The following WDR70 variants were observed in gnomAD, a reference collection of about 807,000 sequenced individuals.
WDR70 encodes WD repeat-containing protein 70.
WDR70 carries 53 observed loss-of-function variants against 88.6 expected under a neutral mutation model. The ratio of observed to expected loss-of-function variants is 0.60; its 90% CI spans 0.48 to 0.75. WDR70 has a LOEUF of 0.75. Ranked by LOEUF, WDR70 falls within the 30% of genes least tolerant of loss-of-function variation. The pLI, the probability that WDR70 is intolerant of heterozygous loss-of-function variation, is 0.00. For synonymous variants in WDR70, 280 were observed against 270.0 expected (o/e 1.04, Z -0.36); for missense variants, 610 against 823.2 (o/e 0.74, Z 3.17).
At chr5:37,660,451 G>GT (rs369987913) in intron 10 of WDR70, among the ~76,000 whole-genome samples, 3,583 of 144,346 alleles carry the variant, frequency 0.025, 110 homozygotes, top group African/African-American at 0.073. Context: ...TCTCCTTTCA[G>GT]TTTTTTTTTT....
chr5:37,427,470 A>ATACATG (rs1357399371), intron 5 of WDR70, among the ~76,000 whole-genome samples: 1 of 152,082 alleles, frequency 6.6e-6, no homozygotes, highest in Non-Finnish European at 1.5e-5. Context: ...GTATATGTAC[A>ATACATG]TACATGTACA....
intron 13 of WDR70, among the ~76,000 whole-genome samples, chr5:37,718,225 C>T (rs1205068344): frequency 6.6e-6 from 1 of 152,138 alleles, no homozygotes; most frequent in East Asian, 1.9e-4. Context: ...CTTGGACTCC[C>T]TGGAAAGCAA....
chr5:37,642,108 G>A (rs13182737), intron 10 of WDR70, among the ~76,000 whole-genome samples: 35,643 of 151,982 alleles, frequency 0.23, 4,772 homozygotes, highest in East Asian at 0.53. Flanking sequence ...CTACACTTAC[G>A]CAAGTTTAAC....
At chr5:37,693,158 A>C (rs1272724725) in intron 10 of WDR70, among the ~76,000 whole-genome samples, 1 of 152,204 alleles carries the variant, frequency 6.6e-6, no homozygotes, top group African/African-American at 2.4e-5. Flanking sequence ...CTTACAAGGG[A>C]TGTGAATGAC....
At chr5:37,401,188 T>TTTC (rs1749181175) in intron 5 of WDR70, among the ~76,000 whole-genome samples, 1 of 147,778 alleles carries the variant, frequency 6.8e-6, no homozygotes, top group Non-Finnish European at 1.5e-5. Flanking sequence ...TTTTTTTTTT[T>TTTC]TTAGTAGAGA....
chr5:37,725,965 C>T (rs1266218429), intron 16 of WDR70, among the ~76,000 whole-genome samples: 1 of 152,148 alleles, frequency 6.6e-6, no homozygotes, highest in Non-Finnish European at 1.5e-5. Context: ...TACTTCTTTC[C>T]TGCTCTGATC....
At chr5:37,748,420 C>T (rs764670951) in intron 17 of WDR70, among the ~76,000 whole-genome samples, 15 of 152,166 alleles carry the variant, frequency 9.9e-5, no homozygotes, top group Non-Finnish European at 2.2e-4. Flanking sequence ...ATGCAGAAAG[C>T]TGAAACTGGA....
intron 13 of WDR70, among the ~76,000 whole-genome samples, chr5:37,719,489 T>G (rs905218260): frequency 3.3e-5 from 5 of 152,102 alleles, no homozygotes; most frequent in Admixed American, 3.3e-4. Context: ...CACCATAGAT[T>G]TGAGAAAAAT....
At chr5:37,615,834 T>C (rs557853635) in intron 10 of WDR70, among the ~76,000 whole-genome samples, 2 of 152,310 alleles carry the variant, frequency 1.3e-5, no homozygotes, top group South Asian at 4.1e-4. Flanking sequence ...TCTTATCAGT[T>C]CTGTGCTTTA....
At chr5:37,700,736 G>A (rs1280760563) in intron 11 of WDR70, among the ~76,000 whole-genome samples, 1 of 152,150 alleles carries the variant, frequency 6.6e-6, no homozygotes, top group African/African-American at 2.4e-5. Context: ...TCATACTTCA[G>A]AGTAGATTCT....
At chr5:37,723,151 C>A in intron 15 of WDR70, 1 of 574,430 alleles carries the variant, frequency 1.7e-6, no homozygotes, top group Non-Finnish European at 3.1e-6. Flanking sequence ...GCTTTCAACC[C>A]AAAAGGGAAA....
At chr5:37,575,126 C>A (rs935881760) in intron 9 of WDR70, among the ~76,000 whole-genome samples, 3 of 152,126 alleles carry the variant, frequency 2.0e-5, no homozygotes, top group African/African-American at 7.2e-5. Flanking sequence ...AGTGGATACT[C>A]ATTAAATATT....
intron 9 of WDR70, among the ~76,000 whole-genome samples, chr5:37,584,158 G>A (rs1743297958): frequency 6.6e-6 from 1 of 152,234 alleles, no homozygotes; most frequent in Admixed American, 6.5e-5. Flanking sequence ...TCTTCAGAGA[G>A]TTGTGAGGAT....
At chr5:37,540,448 C>G (rs143493837) in intron 9 of WDR70, among the ~76,000 whole-genome samples, 6,103 of 152,258 alleles carry the variant, frequency 0.04, 440 homozygotes, top group African/African-American at 0.14. Context: ...GTGGCACAAT[C>G]TCGGCTCACT....
intron 9 of WDR70, among the ~76,000 whole-genome samples, chr5:37,600,617 A>G (rs1743852230): frequency 6.6e-6 from 1 of 152,186 alleles, no homozygotes; most frequent in Non-Finnish European, 1.5e-5. Context: ...ATATTTCACT[A>G]AAGAAAGATA....
At chr5:37,707,775 G>A (rs4257799) in intron 13 of WDR70, among the ~76,000 whole-genome samples, 36,082 of 150,838 alleles carry the variant, frequency 0.24, 5,014 homozygotes, top group Admixed American at 0.38. Context: ...TCAGCCAGGT[G>A]TGGTGGTAGG....
At chr5:37,738,667 C>T (rs538905510) in intron 17 of WDR70, among the ~76,000 whole-genome samples, 1 of 152,280 alleles carries the variant, frequency 6.6e-6, no homozygotes, top group East Asian at 1.9e-4. Context: ...CACAAAATTC[C>T]TCTGGATGGA....
intron 10 of WDR70, among the ~76,000 whole-genome samples, chr5:37,613,785 A>C (rs922001831): frequency 4.3e-5 from 2 of 46,128 alleles, no homozygotes; most frequent in Admixed American, 2.8e-4. Context: ...TCTATGATAT[A>C]AATGCTGTCA....
At chr5:37,574,919 A>G (rs536148386) in intron 9 of WDR70, among the ~76,000 whole-genome samples, 1 of 152,314 alleles carries the variant, frequency 6.6e-6, no homozygotes, top group East Asian at 1.9e-4. Flanking sequence ...CTCCTTCTCC[A>G]CAATGACCCA....
Sources: allele counts gnomAD v4.1 joint callset (sites outside exome capture counted in the v4.1 genomes callset), GRCh38; gene constraint gnomAD v4.1.1; transcripts MANE v1.5; gene names NCBI Gene and HGNC (gene_info 2026-07-23, HGNC 2026-07-21).